The following PLEKHA1 variants were observed in gnomAD, a reference collection of about 807,000 sequenced individuals.
PLEKHA1 encodes the protein pleckstrin homology domain containing A1.
In PLEKHA1, 34 loss-of-function variants were observed where a neutral mutation model predicts 52.0. That is an observed-to-expected ratio of 0.65 (90% CI 0.50 to 0.87). The LOEUF is 0.87. Ranked by LOEUF, PLEKHA1 falls within the 40% of genes least tolerant of loss-of-function variation. The pLI, the probability that PLEKHA1 is intolerant of heterozygous loss-of-function variation, is 0.00. For synonymous variants in PLEKHA1, 163 were observed against 170.7 expected (o/e 0.95, Z 0.35); for missense variants, 497 against 504.2 (o/e 0.99, Z 0.14).
At chr10:122,427,140 T>C (rs2097351302) in intron 11 of PLEKHA1, 109 bp downstream of exon 11, 26 of 1,059,768 alleles carry the variant, frequency 2.5e-5, no homozygotes, top group Non-Finnish European at 3.1e-5. Context: ...TTTATTTGCA[T>C]GTTGACTTTT....
intron 8 of PLEKHA1, chr10:122,421,422 C>T (rs1193898816): frequency 6.6e-6 from 1 of 152,094 alleles, no homozygotes; most frequent in Admixed American, 6.5e-5. Flanking sequence ...AGATGGTATT[C>T]GTGCTTCTGA....
rs1162015605 is a variant in PLEKHA1, at chr10:122,428,298, C to T, written c.900+1267C>T. On this transcript the variant is annotated intron_variant, in intron 11 of 11. Coordinates refer to ENST00000368990, the MANE Select transcript of PLEKHA1 (RefSeq NM_001001974.4). ...CAGATGCGGCAGGCCAGAAGGCTGT[C>T]GAACCCTTGTATACAGAGGTATACA... 19 of 1,544,004 alleles carry T rather than the reference C, an allele frequency of 1.2e-5. No individual in the cohort carries two copies. The East Asian group carries it at 1.5e-4, about 12-fold the overall frequency.
At chr10:122,404,356 G>A (rs564386055) in intron 4 of PLEKHA1, among the ~76,000 whole-genome samples, 1 of 152,012 alleles carries the variant, frequency 6.6e-6, no homozygotes, top group South Asian at 2.1e-4. Context: ...ATATATATTT[G>A]CATCTCTTCC....
intron 4 of PLEKHA1, among the ~76,000 whole-genome samples, chr10:122,403,922 C>T (rs1291771492): frequency 6.6e-6 from 1 of 152,170 alleles, no homozygotes; most frequent in African/African-American, 2.4e-5. Flanking sequence ...GAACCCCTGA[C>T]CTCAAGTGAC....
At chr10:122,413,857 C>T (rs2097139167) in intron 6 of PLEKHA1, among the ~76,000 whole-genome samples, 1 of 152,058 alleles carries the variant, frequency 6.6e-6, no homozygotes, top group African/African-American at 2.4e-5. Flanking sequence ...ACCAGTGTGC[C>T]TTTTGAACTC....
chr10:122,429,206 A>G (rs963906981), intron 11 of PLEKHA1, among the ~76,000 whole-genome samples: 3 of 152,154 alleles, frequency 2.0e-5, no homozygotes, highest in Non-Finnish European at 4.4e-5. Flanking sequence ...TCATTCTAAA[A>G]TATGTGGGAT....
intron 3 of PLEKHA1, 26 bp downstream of exon 3, chr10:122,398,000 T>A: frequency 6.4e-7 from 1 of 1,566,218 alleles, no homozygotes; most frequent in South Asian, 1.1e-5. Flanking sequence ...TGTCTTATAC[T>A]CGTGTGAATT....
At chr10:122,441,310 A>G in the PLEKHA1 span, 1 of 152,140 alleles carries the variant, frequency 6.6e-6, no homozygotes, top group African/African-American at 2.4e-5. Flanking sequence ...TCTCTACTAA[A>G]ATTCAAAAAG....
chr10:122,385,803 G>A (rs2096686022), intron 1 of PLEKHA1, among the ~76,000 whole-genome samples: 2 of 152,154 alleles, frequency 1.3e-5, no homozygotes, highest in South Asian at 2.1e-4. Flanking sequence ...AGTTGCGCAT[G>A]TATCAATAGT....
intron 8 of PLEKHA1, chr10:122,423,931 A>T: frequency 2.4e-6 from 1 of 408,352 alleles, no homozygotes; most frequent in East Asian, 4.8e-5. Flanking sequence ...AATAGCTTTT[A>T]ATTAGTTACA....
At position 122,424,183 on chromosome 10, in the gene PLEKHA1, T is replaced by C. The variant is rs759638457; in HGVS notation, c.682-16T>C. 9 of 1,501,712 alleles carry C rather than the reference T, an allele frequency of 6.0e-6. No homozygotes were observed. The highest frequency in any genetic ancestry group is 2.4e-5 in the East Asian group (1 of 41,030). The allele number at this position is 1,501,712 out of a possible 1,614,324, so 93.0% of individuals were successfully genotyped here. On this transcript the variant is annotated splice_polypyrimidine_tract_variant and intron_variant, in intron 8 of 11. Transcript: ENST00000368990. ...ACATCATGTAACTGTTTTTTTTTTT[T>C]TTTTTTTTTTGCCAGGAAAAGGAAC... is the stretch of plus-strand genomic sequence containing the variant.
intron 7 of PLEKHA1, among the ~76,000 whole-genome samples, chr10:122,416,486 A>G (rs1417993650): frequency 6.6e-6 from 1 of 152,196 alleles, no homozygotes; most frequent in African/African-American, 2.4e-5. Context: ...GGAATATCAT[A>G]TAAAACCTAC....
intron 1 of PLEKHA1, among the ~76,000 whole-genome samples, chr10:122,378,129 T>C (rs2133518504): frequency 6.6e-6 from 1 of 152,258 alleles, no homozygotes; most frequent in African/African-American, 2.4e-5. Flanking sequence ...GAAAAGACGA[T>C]CACAGGCACT....
rs760787726 is a variant in PLEKHA1, at chr10:122,429,928, G to GCC, written c.1205_1206insCC (p.Asp403LeufsTer28). The GCC allele has an allele frequency of 8.7e-6, 14 of 1,611,896 alleles. No homozygotes were observed. Among genetic ancestry groups the GCC allele is most frequent in the Non-Finnish European group, 1.2e-5 (14 of 1,178,676 alleles). ...TTGGACGATGCGAGCCTTCCGGTCA[G>GCC]TGACGTGTGAGGCAGAAGCGCACGG... On this transcript the variant is annotated frameshift_variant, in exon 12 of 12. Coordinates refer to ENST00000368990, the MANE Select transcript of PLEKHA1 (RefSeq NM_001001974.4). LOFTEE classifies it high-confidence loss of function.
chr10:122,399,665 C>G (rs1256489127), intron 3 of PLEKHA1, among the ~76,000 whole-genome samples: 3 of 152,154 alleles, frequency 2.0e-5, no homozygotes, highest in Non-Finnish European at 4.4e-5. Flanking sequence ...TCACTGCAAG[C>G]TCCGTCCCCT....
intron 9 of PLEKHA1, 134 bp from the exon 10 acceptor site, chr10:122,424,762 A>G (rs2097312976): frequency 3.7e-6 from 2 of 534,566 alleles, no homozygotes. Flanking sequence ...TAAATGGGAA[A>G]AGATAATTTG....
intron 1 of PLEKHA1, chr10:122,387,944 A>G (rs2096723336): frequency 6.6e-6 from 1 of 152,224 alleles, no homozygotes; most frequent in African/African-American, 2.4e-5. Flanking sequence ...ACTAAGAAGT[A>G]AGATAAATGT....
At chr10:122,440,391 A>T in the PLEKHA1 span, 1 of 152,134 alleles carries the variant, frequency 6.6e-6, no homozygotes, top group East Asian at 1.9e-4. Flanking sequence ...GTTCAACTGA[A>T]CCTTTCCATC....
At chr10:122,400,621 T>C (rs904315534) in intron 4 of PLEKHA1, among the ~76,000 whole-genome samples, 2 of 152,220 alleles carry the variant, frequency 1.3e-5, no homozygotes, top group African/African-American at 4.8e-5. Flanking sequence ...CTTCTACCCA[T>C]ATGTAACTGT....
Sources: gnomAD v4.1 joint callset for allele counts (sites outside exome capture counted in the v4.1 genomes callset) on GRCh38, gnomAD v4.1.1 for gene constraint, MANE v1.5 for transcripts, NCBI Gene and HGNC (gene_info 2026-07-23, HGNC 2026-07-21) for gene names.